The following PCDHGA10 variants were observed in gnomAD, a reference collection of about 807,000 sequenced individuals.
The protein encoded by PCDHGA10 is protocadherin gamma subfamily A, 10.
Under a neutral mutation model 59.5 loss-of-function variants are expected in PCDHGA10, and 42 were observed. The ratio of observed to expected loss-of-function variants is 0.71; its 90% CI spans 0.55 to 0.91. The LOEUF (loss-of-function observed/expected upper bound fraction) is 0.91. PCDHGA10 is among the 40% of genes least tolerant of loss of function. PCDHGA10 has a pLI of 0.00. For missense variants in PCDHGA10, 1,111 were observed against 1,198.2 expected (o/e 0.93, Z 1.07); for synonymous variants, 511 against 517.2 (o/e 0.99, Z 0.16).
chr5:141,472,852 G>A (rs1354948628), intron 1 of PCDHGA10, among the ~76,000 whole-genome samples: 1 of 151,160 alleles, frequency 6.6e-6, no homozygotes, highest in African/African-American at 2.4e-5. Flanking sequence ...TGGGCATGGT[G>A]GCACATGCCT....
chr5:141,444,280 T>C (rs1217749098), intron 1 of PCDHGA10, among the ~76,000 whole-genome samples: 1 of 147,614 alleles, frequency 6.8e-6, no homozygotes, highest in East Asian at 2.1e-4. Context: ...CAAGTGATTC[T>C]CCTGCCTCAG....
chr5:141,476,666 G>C lies in PCDHGA10; in HGVS notation c.2437-18141G>C, dbSNP rs2099395856. On this transcript the variant is annotated intron_variant, in intron 1 of 3. Coordinates refer to ENST00000398610, the MANE Select transcript of PCDHGA10 (RefSeq NM_018913.3). This position sits in a 1 kb window ranked among gnomAD's most constrained non-coding sequence, Gnocchi z 7.6. The stretch of plus-strand genomic sequence containing the variant: ...CCGAAATGAATACTTTGCGCTTCGC[G>C]TGCAGACGCGGGAGGACAGCACCAA... 6.2e-7 allele frequency: 1 copy of C among 1,614,246 alleles called. No individual in the cohort carries two copies. The highest frequency in any genetic ancestry group is 8.5e-7 in the Non-Finnish European group (1 of 1,180,044).
chr5:141,476,564 C>G lies in PCDHGA10; in HGVS notation c.2437-18243C>G, dbSNP rs2099393821. 1.2e-6 allele frequency: 2 copies of G among 1,614,196 alleles called. No individual in the cohort carries two copies. Among genetic ancestry groups the G allele is most frequent in the South Asian group, 1.1e-5 (1 of 91,086 alleles). ...ATTGGAGATTAGCGAGGCCGTGGCT[C>G]CGGGGACGCGCTTTCCGCTCGAGAG... On this transcript the variant is annotated intron_variant, in intron 1 of 3. Coordinates refer to ENST00000398610, the MANE Select transcript of PCDHGA10 (RefSeq NM_018913.3). This position sits in a 1 kb window ranked among gnomAD's most constrained non-coding sequence, Gnocchi z 7.6.
In PCDHGA10 at chr5:141,489,633, T is replaced by C. The variant is rs1298084961; in HGVS notation, c.2437-5174T>C. On this transcript the variant is annotated intron_variant, in intron 1 of 3. Coordinates refer to ENST00000398610, the MANE Select transcript of PCDHGA10 (RefSeq NM_018913.3). The surrounding 1 kb of genome is among the most constrained non-coding windows in gnomAD (Gnocchi z 4.5). ...TCCTGGATCTCAATGACAACTCTCC[T>C]AGCTTTGCCACCCCTGAGCGAGAGA... The C allele has an allele frequency of 6.2e-7, 1 of 1,614,160 alleles. No individual in the cohort carries two copies. Among genetic ancestry groups the C allele is most frequent in the South Asian group, 1.1e-5 (1 of 91,086 alleles).
Position 141,486,895 on chromosome 5 carries a change from C to T in PCDHGA10, c.2437-7912C>T, listed in dbSNP as rs1286004461. ...TCCGTCCTCGGGCCCGGCCTGGTTC[C>T]TTATGTCCCCAAGCACTGCCTCCAT... On this transcript the variant is annotated intron_variant, in intron 1 of 3. Coordinates refer to ENST00000398610, the MANE Select transcript of PCDHGA10 (RefSeq NM_018913.3). This position sits in a 1 kb window ranked among gnomAD's most constrained non-coding sequence, Gnocchi z 5.0. 3 of 1,614,134 alleles carry T rather than the reference C, an allele frequency of 1.9e-6. No homozygotes were observed. The highest frequency in any genetic ancestry group is 3.3e-5 in the Admixed American group (2 of 60,012).
chr5:141,415,336 C>T lies in PCDHGA10; in HGVS notation c.2161C>T (p.Arg721Trp), dbSNP rs746539261. The change falls in exon 1 of 4, where the codon CGG becomes TGG. Residue 721 changes from arginine (R) to tryptophan (W), a missense_variant. Physicochemically the swap from Arg to Trp is moderately radical, Grantham distance 101 (BLOSUM62 -3). Transcript: ENST00000398610. ...CATCGTGCTGCTGGCGCACAGGCTGCGGCGCTGGCACAAGTCACGCCTGCT... is the reference window on the plus strand; with the variant it reads ...CATCGTGCTGCTGGCGCACAGGCTGTGGCGCTGGCACAAGTCACGCCTGCT... Reference protein sequence around the residue: ...FVIVLLAHRLRRWHKSRLLQA... With the variant: ...FVIVLLAHRLWRWHKSRLLQA... The T allele has an allele frequency of 3.1e-6, 5 of 1,614,200 alleles. No homozygotes were observed. Among genetic ancestry groups the T allele is most frequent in the South Asian group, 2.2e-5 (2 of 91,084 alleles).
At chr5:141,495,558 A>G (rs2099762084) in intron 2 of PCDHGA10, among the ~76,000 whole-genome samples, 1 of 151,662 alleles carries the variant, frequency 6.6e-6, no homozygotes, top group Admixed American at 6.6e-5. Flanking sequence ...TCGCTTTGCA[A>G]TCTCTGCCTC....
Position 141,447,179 on chromosome 5 carries a change from G to A in PCDHGA10, c.2436+31568G>A, listed in dbSNP as rs558348683. ...GTTTAAGCGGGGTCTTGCTCTTGTC[G>A]CGCAGGCTGGAGTGCAATGGCTTGA... On this transcript the variant is annotated intron_variant, in intron 1 of 3. Transcript: ENST00000398610. 4.6e-4 allele frequency among the ~76,000 whole-genome samples: 70 copies of A among 151,826 alleles called. 1 individual carries two copies. The highest frequency in any genetic ancestry group is 3.9e-4 in the East Asian group (2 of 5,158).
rs1561755891 is a variant in PCDHGA10, at chr5:141,415,285, G to A, written c.2110G>A (p.Val704Ile). The A allele has an allele frequency of 1.9e-6, 3 of 1,614,216 alleles. No homozygotes were observed. Among genetic ancestry groups the A allele is most frequent in the Non-Finnish European group, 2.5e-6 (3 of 1,180,034 alleles). Reference protein sequence around the residue: ...TLYLVVAVAAVSCVFLAFVIV... With the variant: ...TLYLVVAVAAISCVFLAFVIV... ...GTACCTGGTGGTAGCGGTGGCCGCG[G>A]TCTCCTGCGTCTTCCTGGCCTTCGT... Residue 704 changes from valine to isoleucine, a missense_variant, in exon 1 of 4, where the codon GTC becomes ATC. Coordinates refer to ENST00000398610, the MANE Select transcript of PCDHGA10 (RefSeq NM_018913.3).
intron 1 of PCDHGA10, among the ~76,000 whole-genome samples, chr5:141,434,703 G>C (rs1198306104): frequency 6.6e-6 from 1 of 151,730 alleles, no homozygotes; most frequent in Non-Finnish European, 1.5e-5. Context: ...TAAATATGTG[G>C]GTAAATCTCT....
chr5:141,449,424 T>C (rs2098638345), intron 1 of PCDHGA10, among the ~76,000 whole-genome samples: 1 of 151,674 alleles, frequency 6.6e-6, no homozygotes, highest in Admixed American at 6.6e-5. Context: ...CTGGCCAACA[T>C]GATAAAACTC....
intron 1 of PCDHGA10, chr5:141,430,707 CT>C: frequency 6.8e-7 from 1 of 1,478,562 alleles, no homozygotes; most frequent in Non-Finnish European, 9.0e-7. Context: ...GGAACTGCTC[CT>C]GACTTCAGTG....
intron 1 of PCDHGA10, chr5:141,419,707 C>G (rs781629810): frequency 6.2e-7 from 1 of 1,613,180 alleles, no homozygotes. Flanking sequence ...AGCCCGGGCT[C>G]TTCAGCCTGG....
chr5:141,510,791 A>C (rs1244085822), intron 3 of PCDHGA10, 156 bp from the exon 4 acceptor site: 1 of 929,250 alleles, frequency 1.1e-6, no homozygotes, highest in Non-Finnish European at 1.3e-6. Context: ...AACTCTTGTG[A>C]AGAGAGACTA....
intron 1 of PCDHGA10, chr5:141,433,179 T>C (rs760574214): frequency 1.2e-5 from 20 of 1,608,614 alleles, no homozygotes; most frequent in Admixed American, 1.7e-5. Flanking sequence ...CATGGGTTAA[T>C]TGAGGTGAGT....
At position 141,486,135 on chromosome 5, in the gene PCDHGA10, G is replaced by A. The variant is rs145871538; in HGVS notation, c.2437-8672G>A. ...GAGAATTACTATGAATTTGATGTGC[G>A]GGCTCGCGATGGGGGTTCTCCAGCC... On this transcript the variant is annotated intron_variant, in intron 1 of 3. Transcript: ENST00000398610. This position sits in a 1 kb window ranked among gnomAD's most constrained non-coding sequence, Gnocchi z 5.0. The A allele has an allele frequency of 1.9e-6, 3 of 1,614,168 alleles. No homozygotes were observed. Among genetic ancestry groups the A allele is most frequent in the Non-Finnish European group, 2.5e-6 (3 of 1,180,022 alleles).
intron 1 of PCDHGA10, among the ~76,000 whole-genome samples, chr5:141,447,023 GT>G (rs5871773): frequency 0.034 from 5,146 of 151,536 alleles, 101 homozygotes; most frequent in Middle Eastern, 0.088. Flanking sequence ...GTTTTGTTTT[GT>G]TTTTTTTCTG....
chr5:141,418,712 G>A (rs1431536945), intron 1 of PCDHGA10: 1 of 1,613,976 alleles, frequency 6.2e-7, no homozygotes, highest in African/African-American at 1.3e-5. Context: ...CTTTGGTGTG[G>A]CTGACAAAGC....
chr5:141,490,549 C>T lies in PCDHGA10; in HGVS notation c.2437-4258C>T, dbSNP rs2099701539. ...TGCTGGTTCACCTTCCCTACACAAA[C>T]ATCTCACCATCAGGCTCAACATTTC... On this transcript the variant is annotated intron_variant, in intron 1 of 3. Transcript: ENST00000398610. The surrounding 1 kb of genome is among the most constrained non-coding windows in gnomAD (Gnocchi z 5.4). The T allele has an allele frequency of 1.9e-6, 3 of 1,614,178 alleles. No homozygotes were observed. The highest frequency in any genetic ancestry group is 1.7e-6 in the Non-Finnish European group (2 of 1,180,024).
Sources: allele counts gnomAD v4.1 joint callset (sites outside exome capture counted in the v4.1 genomes callset), GRCh38; gene constraint gnomAD v4.1.1; non-coding constraint Gnocchi (gnomAD v3.1); transcripts MANE v1.5; gene names NCBI Gene and HGNC (gene_info 2026-07-23, HGNC 2026-07-21).